Variants in PLXNA4 observed in about 807,000 individuals in gnomAD.
PLXNA4 encodes the protein plexin A4.
PLXNA4 carries 44 observed loss-of-function variants against 191.8 expected under a neutral mutation model. The ratio of observed to expected loss-of-function variants is 0.23; its 90% confidence interval spans 0.18 to 0.29. The LOEUF is 0.29. Among genes scored for constraint, PLXNA4 ranks in the 10% least tolerant of loss-of-function variants. The pLI, the probability that PLXNA4 is intolerant of heterozygous loss-of-function variation, is 1.00. For missense variants in PLXNA4, 1,800 were observed against 2,488.8 expected (o/e 0.72, Z 5.89); for synonymous variants, 1,082 against 1,009.5 (o/e 1.07, Z -1.36).
rs1273073922 is a variant in PLXNA4 at position 132,594,361 on chromosome 7, C to T, written c.-87+51567G>A. Among the ~76,000 whole-genome samples, 3 of 152,202 alleles carry T rather than the reference C, an allele frequency of 2.0e-5. No individual in the cohort carries two copies. The East Asian group carries it at 5.8e-4, about 29-fold the overall frequency. On this transcript the variant is annotated intron_variant, in intron 2 of 4. Transcript: ENST00000378539. The stretch of plus-strand genomic sequence containing the variant: ...TTGAAACAACCTCCCCTGGTGCCTT[C>T]AGTGGGAGCACGACCCTGCAGACAC...
chr7:132,307,237 AG>A (rs918272111), intron 3 of PLXNA4, among the ~76,000 whole-genome samples: 1 of 152,188 alleles, frequency 6.6e-6, no homozygotes, highest in African/African-American at 2.4e-5. Flanking sequence ...GTTTTTTAAA[AG>A]TATTCCCTCC....
intron 3 of PLXNA4, among the ~76,000 whole-genome samples, chr7:132,320,959 T>G (rs758745765): frequency 6.6e-6 from 1 of 152,162 alleles, no homozygotes; most frequent in Non-Finnish European, 1.5e-5. Flanking sequence ...TTCCAGCCAC[T>G]GACTATGTCG....
intron 3 of PLXNA4, among the ~76,000 whole-genome samples, chr7:132,486,573 C>T (rs556652357): frequency 6.6e-6 from 1 of 152,330 alleles, no homozygotes; most frequent in East Asian, 1.9e-4. Flanking sequence ...AGTTTGGCCG[C>T]CCCAGTGGCC....
intron 2 of PLXNA4, among the ~76,000 whole-genome samples, chr7:132,495,927 A>G (rs915320095): frequency 8.5e-5 from 13 of 152,244 alleles, no homozygotes; most frequent in Non-Finnish European, 2.9e-5. Flanking sequence ...AAGAGCATTT[A>G]TGAAAAACCT....
intron 10 of PLXNA4, among the ~76,000 whole-genome samples, chr7:132,208,584 C>T (rs1000770332): frequency 2.6e-5 from 4 of 152,090 alleles, no homozygotes; most frequent in Non-Finnish European, 5.9e-5. Context: ...TGAAGGGAGC[C>T]GCAGCTTCCA....
intron 3 of PLXNA4, among the ~76,000 whole-genome samples, chr7:132,421,532 C>T (rs185789335): frequency 3.4e-4 from 51 of 152,210 alleles, no homozygotes; most frequent in African/African-American, 1.2e-3. Flanking sequence ...TTATGGCTGA[C>T]ATCCCTGAAT....
At chr7:132,345,394 G>C (rs933257763) in intron 3 of PLXNA4, among the ~76,000 whole-genome samples, 1 of 152,102 alleles carries the variant, frequency 6.6e-6, no homozygotes, top group Non-Finnish European at 1.5e-5. Flanking sequence ...CTTCATTCTT[G>C]CCTATTTCCT....
chr7:132,386,667 C>T (rs1435375264), intron 3 of PLXNA4, among the ~76,000 whole-genome samples: 4 of 152,276 alleles, frequency 2.6e-5, no homozygotes, highest in East Asian at 3.9e-4. Flanking sequence ...TACGTTAAAC[C>T]GTCGTCTGAA....
At chr7:132,238,162 T>TA (rs1207358394) in intron 5 of PLXNA4, among the ~76,000 whole-genome samples, 2 of 152,236 alleles carry the variant, frequency 1.3e-5, no homozygotes, top group African/African-American at 2.4e-5. Context: ...GTATGTGTTA[T>TA]AGTGCTGTTG....
Position 132,130,465 on chromosome 7 carries a change from T to C in PLXNA4, c.*14A>G. 1 of 1,614,154 alleles carries C rather than the reference T, an allele frequency of 6.2e-7. No individual in the cohort carries two copies. Among genetic ancestry groups the C allele is most frequent in the Non-Finnish European group, 8.5e-7 (1 of 1,179,982 alleles). ...GGTGTGTCCCCCTCCAGGGCGGCCC[T>C]GGAAGGACGGTTCTCAGCTGTCTAA... On this transcript the variant is annotated 3_prime_UTR_variant, in exon 32 of 32. Transcript: ENST00000321063.
chr7:132,437,429 C>G (rs973908836), intron 3 of PLXNA4, among the ~76,000 whole-genome samples: 1 of 152,110 alleles, frequency 6.6e-6, no homozygotes, highest in Non-Finnish European at 1.5e-5. Context: ...AGCACGTGCA[C>G]AGACACACAC....
chr7:132,613,653 G>A (rs1185529475), intron 2 of PLXNA4, among the ~76,000 whole-genome samples: 1 of 152,162 alleles, frequency 6.6e-6, no homozygotes, highest in Admixed American at 6.5e-5. Flanking sequence ...CAGGACAAAC[G>A]CAAAGTAGCA....
chr7:132,447,574 G>C (rs1795957234), intron 3 of PLXNA4, among the ~76,000 whole-genome samples: 1 of 152,162 alleles, frequency 6.6e-6, no homozygotes, highest in Non-Finnish European at 1.5e-5. Context: ...TAATCCATCA[G>C]AAGACTCATA....
At chr7:132,336,691 A>C (rs186604846) in intron 3 of PLXNA4, among the ~76,000 whole-genome samples, 13 of 152,362 alleles carry the variant, frequency 8.5e-5, no homozygotes, top group African/African-American at 2.9e-4. Flanking sequence ...GGAGCGAATC[A>C]CTAGCAAAGC....
chr7:132,421,763 G>C (rs1794859268), intron 3 of PLXNA4, among the ~76,000 whole-genome samples: 1 of 152,016 alleles, frequency 6.6e-6, no homozygotes, highest in Non-Finnish European at 1.5e-5. Flanking sequence ...TCACAGTCTG[G>C]TCCTAGTATC....
chr7:132,519,647 T>A (rs1327921555), intron 1 of PLXNA4, among the ~76,000 whole-genome samples: 1 of 152,220 alleles, frequency 6.6e-6, no homozygotes, highest in African/African-American at 2.4e-5. Flanking sequence ...CTGGCCCCAG[T>A]AGGCAAAGCC....
intron 9 of PLXNA4, among the ~76,000 whole-genome samples, chr7:132,223,150 C>A (rs899702193): frequency 6.6e-6 from 1 of 152,224 alleles, no homozygotes; most frequent in Non-Finnish European, 1.5e-5. Flanking sequence ...CCTCTGTGAA[C>A]AGTGCCCTGA....
At chr7:132,148,474 C>A in intron 26 of PLXNA4, 69 bp downstream of exon 26, 1 of 1,597,328 alleles carries the variant, frequency 6.3e-7, no homozygotes, top group Non-Finnish European at 8.5e-7. Context: ...CCTGTTATTC[C>A]AGGGCAATGA....
chr7:132,446,909 C>T (rs1306020584), intron 3 of PLXNA4, among the ~76,000 whole-genome samples: 1 of 152,220 alleles, frequency 6.6e-6, no homozygotes, highest in Non-Finnish European at 1.5e-5. Flanking sequence ...AATTCCTCGA[C>T]AGGCCTGTGC....
Sources: gnomAD v4.1 joint callset for allele counts (sites outside exome capture counted in the v4.1 genomes callset) on GRCh38, gnomAD v4.1.1 for gene constraint, MANE v1.5 for transcripts, NCBI Gene and HGNC (gene_info 2026-07-23, HGNC 2026-07-21) for gene names.